Variants in TRMT11 observed in about 807,000 individuals in gnomAD.
TRMT11 encodes the protein tRNA methyltransferase 11.
A neutral mutation model predicts 62.8 loss-of-function variants in TRMT11; 53 were observed. That is an observed-to-expected ratio of 0.84 (90% confidence interval 0.68 to 1.06). The LOEUF is 1.06. TRMT11 is among the 50% of genes least tolerant of loss of function. The pLI, the probability that TRMT11 is intolerant of heterozygous loss-of-function variation, is 0.00. For synonymous variants in TRMT11, 188 were observed against 190.3 expected, an observed-to-expected ratio of 0.99 and a Z score of 0.10; for missense variants, 556 against 553.4, an observed-to-expected ratio of 1.00 and a Z score of -0.05.
intron 21 of TRMT11, among the ~76,000 whole-genome samples, chr6:126,166,051 T>G (rs1476131453): frequency 6.6e-6 from 1 of 152,146 alleles, no homozygotes; most frequent in Non-Finnish European, 1.5e-5. Context: ...GTCTTTGATA[T>G]CCTTTCTTCC....
At chr6:126,182,391 T>A (rs1218752661) in intron 1 of TRMT11, among the ~76,000 whole-genome samples, 2 of 151,968 alleles carry the variant, frequency 1.3e-5, no homozygotes, top group Admixed American at 6.6e-5. Flanking sequence ...CACTTCTTGG[T>A]GGTCGTTTCT....
chr6:126,003,681 ATTTGTCTTTT>A (rs1178284399), intron 7 of TRMT11, among the ~76,000 whole-genome samples: 2 of 151,620 alleles, frequency 1.3e-5, no homozygotes, highest in African/African-American at 4.8e-5. Flanking sequence ...ACTTTCTTTG[ATTTGTCTTTT>A]TTTGTCTTTT....
chr6:126,200,070 G>T (rs1318823352), intron 3 of TRMT11, among the ~76,000 whole-genome samples: 1 of 152,196 alleles, frequency 6.6e-6, no homozygotes, highest in Non-Finnish European at 1.5e-5. Flanking sequence ...TGAAGAAGCT[G>T]CAGGGCCTAA....
At chr6:126,257,614 G>T in the TRMT11 span, among the ~76,000 whole-genome samples, 1 of 152,136 alleles carries the variant, frequency 6.6e-6, no homozygotes, top group African/African-American at 2.4e-5. Context: ...AAGCAGTGAA[G>T]TTATCAGATC....
chr6:126,029,359 T>A (rs1197193984), intron 12 of TRMT11, among the ~76,000 whole-genome samples: 3 of 152,048 alleles, frequency 2.0e-5, no homozygotes, highest in African/African-American at 7.2e-5. Flanking sequence ...CTCCAGAAGA[T>A]CCCCCCTTTT....
chr6:126,166,459 C>T lies in TRMT11; in HGVS notation c.*1824-8366C>T, dbSNP rs1254988424. ...ACCCTGTTTGTCTGGGTATCACCAG[C>T]GGAGGCTGCAGAACAACAAAGATTG... On this transcript the variant is annotated intron_variant and NMD_transcript_variant, in intron 21 of 22. Transcript: ENST00000648977. 3.9e-5 allele frequency among the ~76,000 whole-genome samples: 6 copies of T among 152,154 alleles called. No homozygotes were observed. The South Asian group carries it at 6.2e-4, about 16-fold the overall frequency.
At chr6:126,025,138 C>G (rs1300891238) in intron 12 of TRMT11, among the ~76,000 whole-genome samples, 1 of 152,088 alleles carries the variant, frequency 6.6e-6, no homozygotes, top group East Asian at 1.9e-4. Context: ...ATCAGCCATT[C>G]TATTTTAATG....
chr6:126,093,631 A>ATTTTTTTTTTTTTT lies in TRMT11; in HGVS notation c.*1438-19231_*1438-19230insTTTTTTTTTTTTTT, dbSNP rs145963759. Among the ~76,000 whole-genome samples, 142 of 98,006 alleles carry ATTTTTTTTTTTTTT rather than the reference A, an allele frequency of 1.4e-3. 14 individuals carry two copies. Among genetic ancestry groups the ATTTTTTTTTTTTTT allele is most frequent in the African/African-American group, 5.9e-3 (136 of 22,918 alleles). The allele number at this position is 98,006 out of a possible 152,430, so 64.3% of individuals were successfully genotyped here. A position where few individuals can be genotyped will look rare whatever the true frequency, so the allele number is the denominator to read the frequency against. On this transcript the variant is annotated intron_variant and NMD_transcript_variant, in intron 17 of 22. Coordinates refer to the TRMT11 transcript ENST00000648977. The stretch of plus-strand genomic sequence containing the variant: ...TATATATATATATATATATATATAT[A>ATTTTTTTTTTTTTT]TTTTCCCCCAGTCCTGGAGGATCAA...
At chr6:126,010,593 T>C (rs1439401438) in intron 8 of TRMT11, among the ~76,000 whole-genome samples, 2 of 152,114 alleles carry the variant, frequency 1.3e-5, no homozygotes, top group Non-Finnish European at 2.9e-5. Flanking sequence ...ACCTGCTGAA[T>C]GTCCCCACTG....
chr6:126,165,891 C>T (rs1003600117), intron 21 of TRMT11, among the ~76,000 whole-genome samples: 2 of 152,140 alleles, frequency 1.3e-5, no homozygotes, highest in Non-Finnish European at 2.9e-5. Flanking sequence ...CAAGTTGGTT[C>T]CTTTCTCCCT....
At chr6:126,072,174 G>C (rs759724355) in intron 17 of TRMT11, among the ~76,000 whole-genome samples, 1 of 152,160 alleles carries the variant, frequency 6.6e-6, no homozygotes, top group African/African-American at 2.4e-5. Context: ...TTTACTCACT[G>C]TTCCTTCCAG....
At chr6:126,262,801 G>A in the TRMT11 span, among the ~76,000 whole-genome samples, 1 of 152,230 alleles carries the variant, frequency 6.6e-6, no homozygotes, top group African/African-American at 2.4e-5. Context: ...AGGAGACAGT[G>A]TGGCAGAGGC....
intron 1 of TRMT11, among the ~76,000 whole-genome samples, chr6:126,191,907 G>C (rs1419117546): frequency 1.3e-5 from 2 of 151,898 alleles, no homozygotes; most frequent in Admixed American, 1.3e-4. Flanking sequence ...TTTTTCCTCA[G>C]AATTGCTTTT....
chr6:126,166,666 G>C (rs892057074), intron 21 of TRMT11, among the ~76,000 whole-genome samples: 4 of 152,214 alleles, frequency 2.6e-5, no homozygotes, highest in African/African-American at 9.6e-5. Context: ...GCTCTCTTCA[G>C]AGCCAGCAGG....
At chr6:126,090,782 C>G (rs1225780580) in intron 17 of TRMT11, among the ~76,000 whole-genome samples, 3 of 152,156 alleles carry the variant, frequency 2.0e-5, no homozygotes, top group African/African-American at 7.2e-5. Context: ...GAATCTCAAT[C>G]CATACACGTG....
the TRMT11 span, among the ~76,000 whole-genome samples, chr6:126,271,727 G>A: frequency 6.6e-6 from 1 of 152,178 alleles, no homozygotes; most frequent in African/African-American, 2.4e-5. Flanking sequence ...GTTAAGTAAA[G>A]GGAGGACCCG....
chr6:126,168,818 TGAAAA>T (rs1778297345), intron 21 of TRMT11, among the ~76,000 whole-genome samples: 1 of 152,160 alleles, frequency 6.6e-6, no homozygotes, highest in African/African-American at 2.4e-5. Flanking sequence ...TGCCCTGCCA[TGAAAA>T]GAAATGTTAT....
At chr6:126,028,074 A>G (rs1168081591) in intron 12 of TRMT11, among the ~76,000 whole-genome samples, 3 of 152,150 alleles carry the variant, frequency 2.0e-5, no homozygotes, top group Non-Finnish European at 4.4e-5. Context: ...ATCCTTTCTC[A>G]GGATTAATGT....
chr6:126,086,401 C>T (rs1286207349), intron 17 of TRMT11, among the ~76,000 whole-genome samples: 1 of 152,188 alleles, frequency 6.6e-6, no homozygotes, highest in Non-Finnish European at 1.5e-5. Flanking sequence ...ATTGCCCTTT[C>T]TCCATTCCCA....
Sources: allele counts gnomAD v4.1 joint callset (sites outside exome capture counted in the v4.1 genomes callset), GRCh38; gene constraint gnomAD v4.1.1; transcripts MANE v1.5; gene names NCBI Gene and HGNC (gene_info 2026-07-23, HGNC 2026-07-21).